Variants in PTPRG observed in about 807,000 individuals in gnomAD.
PTPRG encodes protein tyrosine phosphatase receptor type G.
In PTPRG, 102 loss-of-function variants were observed where a neutral mutation model predicts 165.3. The ratio of observed to expected loss-of-function variants is 0.62; its 90% CI spans 0.53 to 0.73. The LOEUF (loss-of-function observed/expected upper bound fraction) is 0.73. Ranked by LOEUF, PTPRG falls within the 30% of genes least tolerant of loss-of-function variation. PTPRG has a pLI of 0.00. For missense variants in PTPRG, 1,866 were observed against 1,861.4 expected (o/e 1.00, Z -0.05); for synonymous variants, 675 against 669.5 (o/e 1.01, Z -0.13).
At chr3:61,790,745 ATTT>A (rs367605654) in intron 2 of PTPRG, among the ~76,000 whole-genome samples, 1 of 138,590 alleles carries the variant, frequency 7.2e-6, no homozygotes. Context: ...GACTTCTGTG[ATTT>A]TTTTTTTTTT....
chr3:62,014,052 T>C (rs1213083155), intron 4 of PTPRG, among the ~76,000 whole-genome samples: 1 of 152,122 alleles, frequency 6.6e-6, no homozygotes, highest in African/African-American at 2.4e-5. Context: ...CTGTCAAAAT[T>C]TGAGCGGGAA....
intron 2 of PTPRG, among the ~76,000 whole-genome samples, chr3:61,918,275 G>C (rs929369004): frequency 6.6e-6 from 1 of 152,058 alleles, no homozygotes; most frequent in African/African-American, 2.4e-5. Flanking sequence ...AGAGAGAAAC[G>C]AGAATTAAGT....
At chr3:62,212,586 CA>C (rs1356148915) in intron 12 of PTPRG, among the ~76,000 whole-genome samples, 1 of 152,140 alleles carries the variant, frequency 6.6e-6, no homozygotes, top group African/African-American at 2.4e-5. Flanking sequence ...TGCCATCTTG[CA>C]AACTGAAACC....
In PTPRG at chr3:61,857,047, C is replaced by A. The variant is rs185734850; in HGVS notation, c.190+108065C>A. Among the ~76,000 whole-genome samples the A allele has an allele frequency of 7.9e-5, 12 of 152,126 alleles. No individual in the cohort carries two copies. The East Asian group carries it at 2.3e-3, about 29-fold the overall frequency. ...TATGTGGGCTATTTCTTTTTCTGAT[C>A]ATTTCCCATCCTATTTTCCTATTTC... On this transcript the variant is annotated intron_variant, in intron 2 of 29. Transcript: ENST00000474889.
At chr3:61,639,773 C>G (rs560913135) in intron 1 of PTPRG, among the ~76,000 whole-genome samples, 9 of 152,226 alleles carry the variant, frequency 5.9e-5, no homozygotes, top group African/African-American at 2.2e-4. Context: ...CTCGAAACTT[C>G]ATACTGAAGT....
chr3:61,984,842 C>G (rs1425026732), intron 2 of PTPRG, among the ~76,000 whole-genome samples: 1 of 152,178 alleles, frequency 6.6e-6, no homozygotes, highest in Non-Finnish European at 1.5e-5. Flanking sequence ...TTCTCATGAC[C>G]TTGACACTTT....
chr3:61,908,411 C>CA (rs776421819), intron 2 of PTPRG, among the ~76,000 whole-genome samples: 21,892 of 56,576 alleles, frequency 0.39, 3,392 homozygotes, highest in East Asian at 0.64. Context: ...GGCAACAGAG[C>CA]AAAAAAAAAA....
At chr3:62,003,744 G>A (rs942121274) in intron 4 of PTPRG, among the ~76,000 whole-genome samples, 2 of 152,162 alleles carry the variant, frequency 1.3e-5, no homozygotes, top group Admixed American at 6.5e-5. Flanking sequence ...GGTTGATGAT[G>A]TTCATCATGT....
chr3:62,021,295 T>C (rs1393241458), intron 4 of PTPRG, among the ~76,000 whole-genome samples: 1 of 152,192 alleles, frequency 6.6e-6, no homozygotes, highest in Non-Finnish European at 1.5e-5. Flanking sequence ...CACAGCTACT[T>C]AGATCATATA....
rs148176219 is a variant in PTPRG, at chr3:62,162,878, G to A, written c.841-5093G>A. On this transcript the variant is annotated intron_variant, in intron 7 of 29. Coordinates refer to ENST00000474889, the MANE Select transcript of PTPRG (RefSeq NM_002841.4). The stretch of plus-strand genomic sequence containing the variant: ...AGCCTCACTTCACCTCTTGGTTCCC[G>A]TGCCTGCATTAGTCCATTTTCACAT... Among the ~76,000 whole-genome samples, 93 of 152,220 alleles carry A rather than the reference G, an allele frequency of 6.1e-4. 1 individual carries two copies. The East Asian group carries it at 0.011, about 19-fold the overall frequency.
intron 4 of PTPRG, among the ~76,000 whole-genome samples, chr3:62,075,070 A>G (rs1010940895): frequency 6.6e-6 from 1 of 152,256 alleles, no homozygotes; most frequent in African/African-American, 2.4e-5. Context: ...GACCTGTGCT[A>G]CTGTCCTTTT....
intron 3 of PTPRG, 106 bp downstream of exon 3, chr3:61,989,910 T>G: frequency 8.0e-7 from 1 of 1,246,140 alleles, no homozygotes; most frequent in Non-Finnish European, 1.1e-6. Flanking sequence ...TGCACATTGC[T>G]GTGGGGAGCC....
intron 1 of PTPRG, among the ~76,000 whole-genome samples, chr3:61,586,970 C>T (rs1700448908): frequency 6.6e-6 from 1 of 151,270 alleles, no homozygotes; most frequent in African/African-American, 2.5e-5. Flanking sequence ...CTGGTGGATG[C>T]CAAGAACAGG....
At chr3:62,287,762 C>T (rs892184530) in intron 28 of PTPRG, among the ~76,000 whole-genome samples, 2 of 152,098 alleles carry the variant, frequency 1.3e-5, no homozygotes, top group Non-Finnish European at 2.9e-5. Context: ...AGTTAACAAG[C>T]GTGATCTAAT....
chr3:61,768,908 A>T (rs2034120208), intron 2 of PTPRG, among the ~76,000 whole-genome samples: 1 of 152,154 alleles, frequency 6.6e-6, no homozygotes, highest in Non-Finnish European at 1.5e-5. Flanking sequence ...GTGTGGTCAC[A>T]GGGAAATTTC....
At chr3:61,712,422 T>A (rs1440931130) in intron 1 of PTPRG, among the ~76,000 whole-genome samples, 5 of 152,132 alleles carry the variant, frequency 3.3e-5, no homozygotes, top group Admixed American at 1.3e-4. Context: ...TTTGGCTCTG[T>A]ATCTCCACCC....
chr3:62,121,547 C>A (rs1703074198), intron 5 of PTPRG, among the ~76,000 whole-genome samples: 1 of 152,048 alleles, frequency 6.6e-6, no homozygotes, highest in African/African-American at 2.4e-5. Context: ...TCTTAGGTAC[C>A]CAGCTTGCAG....
At chr3:61,687,626 T>G (rs1481222932) in intron 1 of PTPRG, among the ~76,000 whole-genome samples, 8 of 152,174 alleles carry the variant, frequency 5.3e-5, no homozygotes, top group African/African-American at 1.9e-4. Flanking sequence ...TGAAAAAGAA[T>G]GAGAAGTTAG....
chr3:61,625,679 A>C (rs866615617), intron 1 of PTPRG, among the ~76,000 whole-genome samples: 1 of 152,090 alleles, frequency 6.6e-6, no homozygotes, highest in African/African-American at 2.4e-5. Flanking sequence ...TTTACTGGCC[A>C]TTGGTGCCCT....
Sources: gnomAD v4.1 joint callset for allele counts (sites outside exome capture counted in the v4.1 genomes callset) on GRCh38, gnomAD v4.1.1 for gene constraint, MANE v1.5 for transcripts, NCBI Gene and HGNC (gene_info 2026-07-23, HGNC 2026-07-21) for gene names.